DAZAP1: variants seen among roughly 807,000 people sequenced by gnomAD.
DAZAP1 encodes the protein DAZ-associated protein 1.
DAZAP1 carries 6 observed loss-of-function variants against 60.1 expected under a neutral mutation model. The observed-to-expected ratio is 0.10, with a 90% CI of 0.05 to 0.20. The LOEUF is 0.20. Among genes scored for constraint, DAZAP1 ranks in the 10% least tolerant of loss-of-function variants. DAZAP1 has a pLI of 1.00. For missense variants in DAZAP1, 366 were observed against 560.4 expected (o/e 0.65, Z 3.50); for synonymous variants, 235 against 215.9 (o/e 1.09, Z -0.78).
chr19:1,430,254 G>GGCCCCCCCCCCCCC lies in DAZAP1; in HGVS notation c.763_764insGCCCCCCCCCCCCC (p.Ala255GlyfsTer85). The GGCCCCCCCCCCCCC allele has an allele frequency of 1.3e-5, 17 of 1,295,224 alleles. No homozygotes were observed. Among genetic ancestry groups the GGCCCCCCCCCCCCC allele is most frequent in the East Asian group, 2.4e-5 (1 of 42,104 alleles). The allele number at this position is 1,295,224 out of a possible 1,614,324, so 80.2% of individuals were successfully genotyped here. On this transcript the variant is annotated frameshift_variant, in exon 10 of 12. Transcript: ENST00000233078. LOFTEE classifies it high-confidence loss of function. ...TGGACCGCCCCCTGCAGGAAGAGGAGCCCCCCCGCCACCCCCACCGTTCAC... is the reference window on the plus strand; with the variant it reads ...TGGACCGCCCCCTGCAGGAAGAGGAGGCCCCCCCCCCCCCCCCCCCCGCCACCCCCACCGTTCAC...
In DAZAP1 at chr19:1,418,704, G is replaced by T; in HGVS notation, c.276G>T (p.Pro92=). ...PKPCTPRGMQ[P]ERTRPKEGWQ... ...CATGCACACCCCGGGGGATGCAGCC[G>T]GAGAGAACACGGCCGAAGGAAGGAT... is the stretch of plus-strand genomic sequence containing the variant. The change falls in exon 4 of 12, where the codon CCG becomes CCT. Residue 92 remains proline, a synonymous_variant. Coordinates refer to ENST00000233078, the MANE Select transcript of DAZAP1 (RefSeq NM_018959.4). This position sits in a 1 kb window ranked among gnomAD's most constrained non-coding sequence, Gnocchi z 5.7. 1 of 1,613,338 alleles carries T rather than the reference G, an allele frequency of 6.2e-7. No individual in the cohort carries two copies. The highest frequency in any genetic ancestry group is 1.1e-5 in the South Asian group (1 of 91,002).
In DAZAP1 at chr19:1,432,690, G is replaced by C; in HGVS notation, c.1048G>C (p.Ala350Pro). The change falls in exon 11 of 12, where the codon GCA becomes CCA. Residue 350 changes from alanine to proline, a missense_variant and splice_region_variant. Physicochemically the swap from Ala to Pro is conservative, Grantham distance 27. Around this residue, in one of 3 missense-constraint regions of DAZAP1, gnomAD observed 240 missense variants for 308.8 expected, o/e 0.78. Transcript: ENST00000233078. The surrounding 1 kb of genome is among the most constrained non-coding windows in gnomAD (Gnocchi z 4.9). ...GCCAGACTTCCCCTATGGTCAGTAT[G>C]GTAAGTGGTCTCCTGCCATGCCGCG... ...AQPDFPYGQYAGYGQDLSGFG... is the reference protein window; with the variant it reads ...AQPDFPYGQYPGYGQDLSGFG... 1 of 1,592,262 alleles carries C rather than the reference G, an allele frequency of 6.3e-7. No homozygotes were observed. The highest frequency in any genetic ancestry group is 1.1e-5 in the South Asian group (1 of 88,898).
intron 4 of DAZAP1, among the ~76,000 whole-genome samples, chr19:1,419,753 C>T (rs1163014954): frequency 1.3e-5 from 2 of 152,138 alleles, no homozygotes; most frequent in South Asian, 2.1e-4. Context: ...GAAACCATCC[C>T]GACCGTCACG....
rs980793222 is a variant in DAZAP1 at position 1,433,668 on chromosome 19, G to A, written c.1048+978G>A. 1.3e-5 allele frequency: 17 copies of A among 1,297,158 alleles called. No homozygotes were observed. The highest frequency in any genetic ancestry group is 2.3e-4 in the Middle Eastern group (1 of 4,340). The allele number at this position is 1,297,158 out of a possible 1,614,324, so 80.4% of individuals were successfully genotyped here. A position where few individuals can be genotyped will look rare whatever the true frequency, so the allele number is the denominator to read the frequency against. Reference sequence around the variant, plus strand: ...GGGGTGTGAGGCGCCCGGTTGGGGCGTGGCGTGTGTCAGCCGCTGCTCTTG... The same window carrying A: ...GGGGTGTGAGGCGCCCGGTTGGGGCATGGCGTGTGTCAGCCGCTGCTCTTG... On this transcript the variant is annotated intron_variant, in intron 11 of 11. Transcript: ENST00000233078. This position sits in a 1 kb window ranked among gnomAD's most constrained non-coding sequence, Gnocchi z 6.1.
intron 7 of DAZAP1, chr19:1,427,480 G>C (rs1156867890): frequency 1.3e-5 from 2 of 152,290 alleles, no homozygotes; most frequent in Non-Finnish European, 2.9e-5. Flanking sequence ...GGCCCCTCAT[G>C]GGGGTTTTCC....
In DAZAP1 at chr19:1,407,745, G is replaced by T. The variant is rs2082706348; in HGVS notation, c.-29G>T. 1 of 1,083,870 alleles carries T rather than the reference G, an allele frequency of 9.2e-7. No individual in the cohort carries two copies. The highest frequency in any genetic ancestry group is 1.1e-6 in the Non-Finnish European group (1 of 894,856). The allele number at this position is 1,083,870 out of a possible 1,614,324, so 67.1% of individuals were successfully genotyped here. A position where few individuals can be genotyped will look rare whatever the true frequency, so the allele number is the denominator to read the frequency against. On this transcript the variant is annotated 5_prime_UTR_variant, in exon 1 of 12. Transcript: ENST00000233078. The stretch of plus-strand genomic sequence containing the variant: ...GGCGGGAGCGAGCGAGGAGGCCCGG[G>T]AGCGCCGAGCGTCGCCGCCGCCGCC...
intron 10 of DAZAP1, among the ~76,000 whole-genome samples, chr19:1,430,981 A>G (rs913229466): frequency 4.6e-5 from 7 of 151,718 alleles, no homozygotes; most frequent in African/African-American, 1.5e-4. Flanking sequence ...TCGGCCTCCC[A>G]AAGTGCTGGG....
In DAZAP1 at chr19:1,418,458, T is replaced by C. The variant is rs950969796; in HGVS notation, c.237+88T>C. ...TTTTTCCTGGACTCTGACCGATGTTTGCGTTAGAGTATGTTTGAACGTGGG... is the reference window on the plus strand; with the variant it reads ...TTTTTCCTGGACTCTGACCGATGTTCGCGTTAGAGTATGTTTGAACGTGGG... On this transcript the variant is annotated intron_variant, in intron 3 of 11. Coordinates refer to ENST00000233078, the MANE Select transcript of DAZAP1 (RefSeq NM_018959.4). This position sits in a 1 kb window ranked among gnomAD's most constrained non-coding sequence, Gnocchi z 5.7. The C allele has an allele frequency of 4.6e-6, 7 of 1,532,272 alleles. No homozygotes were observed. In the East Asian group the frequency reaches 1.6e-4, roughly 35 times the overall value. The allele number at this position is 1,532,272 out of a possible 1,614,324, so 94.9% of individuals were successfully genotyped here.
At position 1,418,485 on chromosome 19, in the gene DAZAP1, T is replaced by C; in HGVS notation, c.237+115T>C. 1 of 1,454,642 alleles carries C rather than the reference T, an allele frequency of 6.9e-7. No homozygotes were observed. Among genetic ancestry groups the C allele is most frequent in the East Asian group, 2.3e-5 (1 of 43,764 alleles). 90.1% of individuals were successfully genotyped at this position (1,454,642 alleles called of 1,614,324 possible). A position where few individuals can be genotyped will look rare whatever the true frequency, so the allele number is the denominator to read the frequency against. ...CGTTAGAGTATGTTTGAACGTGGGG[T>C]CGATTGGGAAGGATTAAGCCTTGGT... On this transcript the variant is annotated intron_variant, in intron 3 of 11. Coordinates refer to ENST00000233078, the MANE Select transcript of DAZAP1 (RefSeq NM_018959.4). This position sits in a 1 kb window ranked among gnomAD's most constrained non-coding sequence, Gnocchi z 5.7.
chr19:1,431,425 G>A (rs557412370), intron 10 of DAZAP1, among the ~76,000 whole-genome samples: 11 of 151,820 alleles, frequency 7.2e-5, no homozygotes, highest in African/African-American at 1.2e-4. Flanking sequence ...CACCGCGCCC[G>A]GACTATTTTA....
intron 10 of DAZAP1, 47 bp downstream of exon 10, chr19:1,430,409 A>T: frequency 6.9e-7 from 1 of 1,453,622 alleles, no homozygotes. Context: ...TGCTCCGGAG[A>T]TGCCAGGTGG....
chr19:1,413,160 G>A (rs751771752), intron 1 of DAZAP1, among the ~76,000 whole-genome samples: 11 of 152,220 alleles, frequency 7.2e-5, no homozygotes, highest in Non-Finnish European at 1.6e-4. Flanking sequence ...CAAGGTGCAG[G>A]CTGAGCAAGC....
rs921878898 is a variant in DAZAP1, at chr19:1,423,132, C to G, written c.463+736C>G. Among the ~76,000 whole-genome samples the G allele has an allele frequency of 6.6e-6, 1 of 152,206 alleles. No homozygotes were observed. Among genetic ancestry groups the G allele is most frequent in the African/African-American group, 2.4e-5 (1 of 41,454 alleles). ...CTGGGTCTGCCCGCCACGTCCGTGC[C>G]GCCCCCGCACCACCGGCCCAGGTCA... On this transcript the variant is annotated intron_variant, in intron 6 of 11. Coordinates refer to ENST00000233078, the MANE Select transcript of DAZAP1 (RefSeq NM_018959.4). The surrounding 1 kb of genome is among the most constrained non-coding windows in gnomAD (Gnocchi z 6.8).
intron 1 of DAZAP1, among the ~76,000 whole-genome samples, chr19:1,411,253 C>G (rs192142273): frequency 6.6e-6 from 1 of 152,230 alleles, no homozygotes; most frequent in South Asian, 2.1e-4. Context: ...TCTGTCAGCA[C>G]TCTGGCCTGG....
At position 1,418,408 on chromosome 19, in the gene DAZAP1, C is replaced by G. The variant is rs766975929; in HGVS notation, c.237+38C>G. ...CCGGGAGCTCACACCCGCTCTCTGT[C>G]TCCCCTGTCCTTCCTCTGCTTCATT... On this transcript the variant is annotated intron_variant, in intron 3 of 11. Transcript: ENST00000233078. The surrounding 1 kb of genome is among the most constrained non-coding windows in gnomAD (Gnocchi z 5.7). The G allele has an allele frequency of 6.2e-7, 1 of 1,601,170 alleles. No homozygotes were observed. The highest frequency in any genetic ancestry group is 1.7e-5 in the Admixed American group (1 of 59,516).
chr19:1,431,264 G>A (rs2144921814), intron 10 of DAZAP1, among the ~76,000 whole-genome samples: 1 of 151,334 alleles, frequency 6.6e-6, no homozygotes, highest in Admixed American at 6.6e-5. Context: ...GAGTAGCTGG[G>A]ACTACAGGCG....
intron 2 of DAZAP1, 129 bp downstream of exon 2, chr19:1,417,669 C>T (rs1047836406): frequency 9.2e-6 from 8 of 866,946 alleles, no homozygotes; most frequent in South Asian, 3.4e-5. Context: ...GTTCTGATTT[C>T]TGGGCAGGGG....
Position 1,426,827 on chromosome 19 carries a change from A to T in DAZAP1, c.546+867A>T, listed in dbSNP as rs2083314566. 6.6e-6 allele frequency: 1 copy of T among 152,080 alleles called. No individual in the cohort carries two copies. The highest frequency in any genetic ancestry group is 2.4e-5 in the African/African-American group (1 of 41,400). 9.4% of individuals were successfully genotyped at this position (152,080 alleles called of 1,614,324 possible). ...CAGGCCGCCTCACATGCCCAGTGGG[A>T]TTCTGACCCGGCCTCCTTGGTGCGG... On this transcript the variant is annotated intron_variant, in intron 7 of 11. Transcript: ENST00000233078. This position sits in a 1 kb window ranked among gnomAD's most constrained non-coding sequence, Gnocchi z 5.4.
At chr19:1,429,894 C>G in intron 8 of DAZAP1, 73 bp from the exon 9 acceptor site, 1 of 1,542,502 alleles carries the variant, frequency 6.5e-7, no homozygotes, top group Non-Finnish European at 8.8e-7. Context: ...GACGTCCATG[C>G]TCTGCGGCTC....
Sources: allele counts gnomAD v4.1 joint callset (sites outside exome capture counted in the v4.1 genomes callset), GRCh38; gene constraint gnomAD v4.1.1; regional missense constraint gnomAD v4.1.1; non-coding constraint Gnocchi (gnomAD v3.1); transcripts MANE v1.5; gene names NCBI Gene and HGNC (gene_info 2026-07-23, HGNC 2026-07-21).